OSBPL5: variants seen among roughly 807,000 people sequenced by gnomAD.
OSBPL5 encodes the protein oxysterol binding protein like 5, also known as oxysterol-binding protein-related protein 5.
Under a neutral mutation model 111.2 loss-of-function variants are expected in OSBPL5, and 71 were observed. That is an observed-to-expected ratio of 0.64 (90% CI 0.53 to 0.78). The LOEUF (loss-of-function observed/expected upper bound fraction) is 0.78. Ranked by LOEUF, OSBPL5 falls within the 30% of genes least tolerant of loss-of-function variation. The pLI, the probability that OSBPL5 is intolerant of heterozygous loss-of-function variation, is 0.00. For missense variants in OSBPL5, 1,210 were observed against 1,189.3 expected (o/e 1.02, Z -0.26); for synonymous variants, 549 against 513.9 (o/e 1.07, Z -0.93).
intron 1 of OSBPL5, among the ~76,000 whole-genome samples, chr11:3,156,302 A>G (rs1189774789): frequency 2.6e-5 from 4 of 152,264 alleles, no homozygotes; most frequent in Admixed American, 6.5e-5. Context: ...TTATGTACAT[A>G]AAGCAAGGAA....
intron 13 of OSBPL5, among the ~76,000 whole-genome samples, 189 bp from the exon 14 acceptor site, chr11:3,100,445 T>G (rs961299824): frequency 2.0e-5 from 3 of 152,242 alleles, no homozygotes; most frequent in African/African-American, 7.2e-5. Flanking sequence ...TTGTCCAGTG[T>G]GCACAGGACA....
At chr11:3,132,664 C>G (rs529717518) in intron 1 of OSBPL5, among the ~76,000 whole-genome samples, 4 of 152,170 alleles carry the variant, frequency 2.6e-5, no homozygotes, top group African/African-American at 7.2e-5. Flanking sequence ...CCACATGGCC[C>G]GGTCCTCCTC....
chr11:3,104,437 G>A lies in OSBPL5; in HGVS notation c.1060-60C>T, dbSNP rs937053137. 10 of 1,568,596 alleles carry A rather than the reference G, an allele frequency of 6.4e-6. No individual in the cohort carries two copies. In the African/African-American group the frequency reaches 1.4e-4, roughly 21 times the overall value. On this transcript the variant is annotated intron_variant, in intron 9 of 21. Transcript: ENST00000263650. The surrounding 1 kb of genome is among the most constrained non-coding windows in gnomAD (Gnocchi z 5.0). The stretch of plus-strand genomic sequence containing the variant: ...GAAGAGCCGGGAGGAAGGGGTGGCG[G>A]GACAGTGGCAGCTCTGGCTGGAGGA...
chr11:3,096,933 G>GGAC (rs1857273681), intron 14 of OSBPL5, among the ~76,000 whole-genome samples: 3 of 150,974 alleles, frequency 2.0e-5, no homozygotes, highest in South Asian at 2.1e-4. Flanking sequence ...GGGAGGAGGA[G>GGAC]AGGAAAGAGG....
intron 14 of OSBPL5, among the ~76,000 whole-genome samples, chr11:3,095,576 C>T (rs1025209673): frequency 1.3e-5 from 2 of 152,108 alleles, no homozygotes; most frequent in Admixed American, 6.5e-5. Context: ...ATTTCAATAT[C>T]AATAAAGTTA....
At chr11:3,136,191 G>C (rs577504954) in intron 1 of OSBPL5, among the ~76,000 whole-genome samples, 1 of 152,354 alleles carries the variant, frequency 6.6e-6, no homozygotes, top group African/African-American at 2.4e-5. Context: ...ATGGGGCCCA[G>C]GCCCAATGGG....
intron 14 of OSBPL5, among the ~76,000 whole-genome samples, chr11:3,097,054 G>GAGA (rs1857290495): frequency 1.1e-3 from 7 of 6,116 alleles, no homozygotes; most frequent in South Asian, 9.6e-3. Context: ...ACAGGAGAAG[G>GAGA]AGAGGAAAGG....
chr11:3,088,384 C>T (rs1306843442), intron 21 of OSBPL5, 41 bp from the exon 22 acceptor site: 2 of 1,471,774 alleles, frequency 1.4e-6, no homozygotes, highest in Non-Finnish European at 1.8e-6. Flanking sequence ...TGTGCCAATG[C>T]CAGCAAGTCC....
chr11:3,119,807 G>A (rs1328333559), intron 6 of OSBPL5, 176 bp from the exon 7 acceptor site: 4 of 548,774 alleles, frequency 7.3e-6, no homozygotes, highest in Non-Finnish European at 3.1e-6. Flanking sequence ...GCAGAGAGGC[G>A]GGTAGGTGGG....
At chr11:3,123,484 G>A (rs1264559239) in intron 3 of OSBPL5, among the ~76,000 whole-genome samples, 2 of 152,258 alleles carry the variant, frequency 1.3e-5, no homozygotes, top group Non-Finnish European at 2.9e-5. Flanking sequence ...CTGTTCTCGT[G>A]CTTGGATGGC....
intron 1 of OSBPL5, among the ~76,000 whole-genome samples, chr11:3,145,304 C>G (rs1846305344): frequency 6.6e-6 from 1 of 152,252 alleles, no homozygotes; most frequent in South Asian, 2.1e-4. Flanking sequence ...CCTGCCCCTC[C>G]CTCCACCACC....
Position 3,107,804 on chromosome 11 carries a change from G to A in OSBPL5, c.833C>T (p.Ser278Leu), listed in dbSNP as rs1351315188. 1.9e-6 allele frequency: 3 copies of A among 1,612,582 alleles called. No individual in the cohort carries two copies. The South Asian group carries it at 3.3e-5, about 18-fold the overall frequency. ...SPSSLCGLPA[S>L]ATVHPDQDLF... ...GTCTTGGTCTGGGTGGACGGTGGCT[G>A]AGGCTGGCAGCCCACAGAGCGATGA... is the stretch of plus-strand genomic sequence containing the variant. Residue 278 changes from serine (S) to leucine (L), a missense_variant, in exon 8 of 22, where the codon TCA becomes TTA. Ser to Leu is a moderately radical substitution (Grantham distance 145). Transcript: ENST00000263650. The surrounding 1 kb of genome is among the most constrained non-coding windows in gnomAD (Gnocchi z 6.1).
intron 7 of OSBPL5, among the ~76,000 whole-genome samples, chr11:3,112,027 G>GTGTATGTGTGCGCGCATGTGTGTGCA (rs1857978995): frequency 3.1e-4 from 3 of 9,616 alleles, no homozygotes; most frequent in Non-Finnish European, 5.8e-4. Context: ...GTGTGTGCAT[G>GTGTATGTGTGCGCGCATGTGTGTGCA]TGTGTGTATG....
chr11:3,150,301 C>CT (rs1350822704), intron 1 of OSBPL5, among the ~76,000 whole-genome samples: 6 of 150,902 alleles, frequency 4.0e-5, no homozygotes, highest in Admixed American at 2.0e-4. Flanking sequence ...TTAAAGACAG[C>CT]TTTTTTTAAA....
At chr11:3,100,980 T>G (rs1217964400) in intron 13 of OSBPL5, among the ~76,000 whole-genome samples, 1 of 148,534 alleles carries the variant, frequency 6.7e-6, no homozygotes. Context: ...TCTTTTTTTT[T>G]TTTTTTTTTT....
In OSBPL5 at chr11:3,106,923, C is replaced by T. The variant is rs565933640; in HGVS notation, c.1059+340G>A. Among the ~76,000 whole-genome samples, 64 of 152,292 alleles carry T rather than the reference C, an allele frequency of 4.2e-4. No homozygotes were observed. Among genetic ancestry groups the T allele is most frequent in the Admixed American group, 3.3e-3 (50 of 15,304 alleles). On this transcript the variant is annotated intron_variant, in intron 9 of 21. Coordinates refer to ENST00000263650, the MANE Select transcript of OSBPL5 (RefSeq NM_020896.4). The surrounding 1 kb of genome is among the most constrained non-coding windows in gnomAD (Gnocchi z 8.4). Reference sequence around the variant, plus strand: ...TCTGCGCTCCTCCAGGAAGTGGGGCCGCCCAGCAGATGGGGTCAAGGGCCC... The same window carrying T: ...TCTGCGCTCCTCCAGGAAGTGGGGCTGCCCAGCAGATGGGGTCAAGGGCCC...
chr11:3,151,635 A>AG lies in OSBPL5; in HGVS notation c.-22+13580_-22+13581insC, dbSNP rs1204804417. Among the ~76,000 whole-genome samples, 3 of 152,190 alleles carry AG rather than the reference A, an allele frequency of 2.0e-5. No homozygotes were observed. In the East Asian group the frequency reaches 5.8e-4, roughly 29 times the overall value. ...CTTTATTTCCCCCACGGCACAAAAAAACGGTTCTTACACCCCTCTGGGATC... is the reference window on the plus strand; with the variant it reads ...CTTTATTTCCCCCACGGCACAAAAAAGACGGTTCTTACACCCCTCTGGGATC... On this transcript the variant is annotated intron_variant, in intron 1 of 21. Coordinates refer to ENST00000263650, the MANE Select transcript of OSBPL5 (RefSeq NM_020896.4).
rs1857080252 is a variant in OSBPL5 at position 3,092,130 on chromosome 11, T to G, written c.2259+302A>C. Among the ~76,000 whole-genome samples the G allele has an allele frequency of 1.3e-5, 2 of 150,604 alleles. No individual in the cohort carries two copies. ...TGGGCTGCCCTGACCTTCTGTTTCC[T>G]GATCAGTGGAATGGGATAATGTGGC... On this transcript the variant is annotated intron_variant, in intron 19 of 21. Coordinates refer to ENST00000263650, the MANE Select transcript of OSBPL5 (RefSeq NM_020896.4). This position sits in a 1 kb window ranked among gnomAD's most constrained non-coding sequence, Gnocchi z 5.4.
chr11:3,124,361 GGAGGCAGATCTGAGTGAC>G (rs1858526328), intron 3 of OSBPL5, among the ~76,000 whole-genome samples: 1 of 152,194 alleles, frequency 6.6e-6, no homozygotes, highest in South Asian at 2.1e-4. Flanking sequence ...GTGATAAGGA[GGAGGCAGATCTGAGTGAC>G]GAGGCATATG....
Sources: gnomAD v4.1 joint callset for allele counts (sites outside exome capture counted in the v4.1 genomes callset) on GRCh38, gnomAD v4.1.1 for gene constraint, Gnocchi (gnomAD v3.1) non-coding constraint, MANE v1.5 for transcripts, NCBI Gene and HGNC (gene_info 2026-07-23, HGNC 2026-07-21) for gene names.